Variants in ZNF148 observed in about 807,000 individuals in gnomAD.
ZNF148 encodes the protein Beta-Enolase Repressor Factor-1.
In ZNF148, 7 loss-of-function variants were observed where a neutral mutation model predicts 67.7. The ratio of observed to expected loss-of-function variants is 0.10; its 90% CI spans 0.06 to 0.19. ZNF148 has a LOEUF of 0.19. ZNF148 is among the 10% of genes least tolerant of loss of function. The pLI is 1.00. For synonymous variants in ZNF148, 333 were observed against 330.7 expected, an observed-to-expected ratio of 1.01 and a Z score of -0.08; for missense variants, 583 against 947.1, an observed-to-expected ratio of 0.62 and a Z score of 5.05.
rs1553708261 is a variant in ZNF148, at chr3:125,317,662, T to TAGAGAGAGAG, written c.-16-4016_-16-4007dup. Reference sequence around the variant, plus strand: ...GATCTTTTATATATATATATATATATAGAGAGAGAGAGAGAGAAATACATA... The same window carrying TAGAGAGAGAG: ...GATCTTTTATATATATATATATATATAGAGAGAGAGAGAGAGAGAGAGAGAGAAATACATA... On this transcript the variant is annotated intron_variant, in intron 3 of 8. Transcript: ENST00000360647. 3.6e-3 allele frequency among the ~76,000 whole-genome samples: 328 copies of TAGAGAGAGAG among 90,040 alleles called. 4 individuals carry two copies. Among genetic ancestry groups the TAGAGAGAGAG allele is most frequent in the African/African-American group, 6.7e-3 (148 of 22,170 alleles). 59.1% of individuals were successfully genotyped at this position (90,040 alleles called of 152,430 possible). A position where few individuals can be genotyped will look rare whatever the true frequency, so the allele number is the denominator to read the frequency against.
At position 125,242,452 on chromosome 3, in the gene ZNF148, G is replaced by A. The variant is rs374465355; in HGVS notation, c.668-8123C>T. ...CTTGGCCAACATGACAAAATTTCCC[G>A]TCTCTACTAAAAATACAAAACTTAG... is the stretch of plus-strand genomic sequence containing the variant. On this transcript the variant is annotated intron_variant, in intron 7 of 8. Transcript: ENST00000360647. Among the ~76,000 whole-genome samples the A allele has an allele frequency of 2.8e-4, 42 of 152,092 alleles. 1 individual carries two copies. In the South Asian group the frequency reaches 3.1e-3, roughly 11 times the overall value.
At chr3:125,273,780 G>T (rs150450656) in intron 7 of ZNF148, among the ~76,000 whole-genome samples, 1 of 152,048 alleles carries the variant, frequency 6.6e-6, no homozygotes, top group East Asian at 1.9e-4. Flanking sequence ...CACCCGGCCG[G>T]GAGGAGAATC....
intron 1 of ZNF148, among the ~76,000 whole-genome samples, chr3:125,350,827 T>TACAC (rs991405194): frequency 2.0e-5 from 3 of 152,126 alleles, no homozygotes; most frequent in African/African-American, 7.2e-5. Context: ...TCCATATATA[T>TACAC]ATACACACAC....
At chr3:125,285,738 T>A (rs1938622023) in intron 5 of ZNF148, among the ~76,000 whole-genome samples, 1 of 152,078 alleles carries the variant, frequency 6.6e-6, no homozygotes, top group Admixed American at 6.6e-5. Context: ...TTGTTTCTAG[T>A]CACTTCATCT....
rs529646498 is a variant in ZNF148 at position 125,297,320 on chromosome 3, G to C, written c.334-9092C>G. The stretch of plus-strand genomic sequence containing the variant: ...CCCAGTGGATTACTGATCTAAATGG[G>C]AACGGAAAACCATAAAGCCTCCAAA... On this transcript the variant is annotated intron_variant, in intron 4 of 8. Coordinates refer to ENST00000360647, the MANE Select transcript of ZNF148 (RefSeq NM_021964.3). Among the ~76,000 whole-genome samples the C allele has an allele frequency of 5.9e-5, 9 of 152,120 alleles. No individual in the cohort carries two copies. The South Asian group carries it at 1.7e-3, about 28-fold the overall frequency.
chr3:125,304,279 C>T (rs1297191755), intron 4 of ZNF148, among the ~76,000 whole-genome samples: 1 of 152,104 alleles, frequency 6.6e-6, no homozygotes, highest in Non-Finnish European at 1.5e-5. Context: ...GGAGCCCAAG[C>T]AGCATAAGGA....
intron 8 of ZNF148, 118 bp downstream of exon 8, chr3:125,234,093 T>A: frequency 8.0e-7 from 1 of 1,249,954 alleles, no homozygotes; most frequent in Non-Finnish European, 1.1e-6. Flanking sequence ...ATTATAAATC[T>A]AATCTGTAAG....
chr3:125,345,101 TA>T (rs1404636697), intron 1 of ZNF148, among the ~76,000 whole-genome samples: 2 of 152,070 alleles, frequency 1.3e-5, no homozygotes, highest in African/African-American at 4.8e-5. Flanking sequence ...TTCCACTCAA[TA>T]ACAGCAGAAT....
At chr3:125,239,545 T>G (rs1936249935) in intron 7 of ZNF148, among the ~76,000 whole-genome samples, 1 of 152,122 alleles carries the variant, frequency 6.6e-6, no homozygotes, top group African/African-American at 2.4e-5. Flanking sequence ...ATGTAGAGAA[T>G]TGAAACCCTC....
In ZNF148 at chr3:125,232,311, G is replaced by C; in HGVS notation, c.*30C>G. The C allele has an allele frequency of 6.4e-7, 1 of 1,566,240 alleles. No individual in the cohort carries two copies. The highest frequency in any genetic ancestry group is 1.2e-5 in the South Asian group (1 of 84,866). ...ACTCTTGATTAATCTGTTCTAAAGTGCCAGTATTATTTACACTTTTTTTTT... is the reference window on the plus strand; with the variant it reads ...ACTCTTGATTAATCTGTTCTAAAGTCCCAGTATTATTTACACTTTTTTTTT... On this transcript the variant is annotated 3_prime_UTR_variant, in exon 9 of 9. Transcript: ENST00000360647. This position sits in a 1 kb window ranked among gnomAD's most constrained non-coding sequence, Gnocchi z 4.2.
chr3:125,226,092 GA>G lies in ZNF148; in HGVS notation c.*6248del, dbSNP rs1179118587. 6.6e-6 allele frequency: 1 copy of G among 152,616 alleles called. No homozygotes were observed. The highest frequency in any genetic ancestry group is 2.4e-5 in the African/African-American group (1 of 41,454). The allele number at this position is 152,616 out of a possible 1,614,324, so 9.5% of individuals were successfully genotyped here. A position where few individuals can be genotyped will look rare whatever the true frequency, so the allele number is the denominator to read the frequency against. ...GGGTTAACAGAGTCTTATCTGTAAA[GA>G]AAAGAACACATATTTTCTTCGCTCT... On this transcript the variant is annotated 3_prime_UTR_variant, in exon 9 of 9. Transcript: ENST00000360647.
At position 125,362,673 on chromosome 3, in the gene ZNF148, G is replaced by GC. The variant is rs1559784165; in HGVS notation, c.-234+12428dup. Among the ~76,000 whole-genome samples, 9 of 151,744 alleles carry GC rather than the reference G, an allele frequency of 5.9e-5. No homozygotes were observed. In the South Asian group the frequency reaches 1.9e-3, roughly 32 times the overall value. ...AAGCTCAAGTGATCCTCCCACCTCA[G>GC]CCCCCCAAGTAGCTGGGACTACAAG... is the stretch of plus-strand genomic sequence containing the variant. On this transcript the variant is annotated intron_variant, in intron 1 of 8. Coordinates refer to ENST00000360647, the MANE Select transcript of ZNF148 (RefSeq NM_021964.3).
intron 1 of ZNF148, among the ~76,000 whole-genome samples, chr3:125,352,147 A>G (rs1942176371): frequency 1.3e-5 from 2 of 152,092 alleles, no homozygotes; most frequent in South Asian, 4.1e-4. Context: ...AACAAAGTGG[A>G]AACAACCCAA....
At position 125,226,723 on chromosome 3, in the gene ZNF148, A is replaced by G. The variant is rs906762494; in HGVS notation, c.*5618T>C. Reference sequence around the variant, plus strand: ...GTTTTTACAATGACAATTAAAACATATTTAAAGAAACAAAAAACCTCCCAA... The same window carrying G: ...GTTTTTACAATGACAATTAAAACATGTTTAAAGAAACAAAAAACCTCCCAA... On this transcript the variant is annotated 3_prime_UTR_variant, in exon 9 of 9. Coordinates refer to ENST00000360647, the MANE Select transcript of ZNF148 (RefSeq NM_021964.3). The G allele has an allele frequency of 1.6e-5, 1 of 60,860 alleles. No individual in the cohort carries two copies. Among genetic ancestry groups the G allele is most frequent in the African/African-American group, 8.9e-5 (1 of 11,200 alleles). 3.8% of individuals were successfully genotyped at this position (60,860 alleles called of 1,614,324 possible).
chr3:125,334,870 CA>C (rs755835792), intron 1 of ZNF148, among the ~76,000 whole-genome samples: 2 of 152,138 alleles, frequency 1.3e-5, no homozygotes, highest in Non-Finnish European at 2.9e-5. Context: ...ACTCCAGCAG[CA>C]GTGACCTGAC....
intron 4 of ZNF148, among the ~76,000 whole-genome samples, chr3:125,289,794 G>A (rs995281108): frequency 6.6e-6 from 1 of 152,166 alleles, no homozygotes; most frequent in Non-Finnish European, 1.5e-5. Flanking sequence ...CAAGTGTCAA[G>A]AAGAGTGTAA....
intron 6 of ZNF148, 92 bp downstream of exon 6, chr3:125,279,032 T>C (rs1462187800): frequency 4.6e-6 from 6 of 1,295,876 alleles, no homozygotes; most frequent in East Asian, 5.3e-5. Flanking sequence ...AGATTAGCTA[T>C]GGTCTTAGGA....
chr3:125,304,673 T>A (rs888304724), intron 4 of ZNF148, among the ~76,000 whole-genome samples: 1 of 152,140 alleles, frequency 6.6e-6, no homozygotes, highest in Non-Finnish European at 1.5e-5. Context: ...TTGATAGATA[T>A]GGAAATTATA....
intron 3 of ZNF148, among the ~76,000 whole-genome samples, chr3:125,318,374 C>T (rs372672329): frequency 1.5e-4 from 23 of 152,164 alleles, no homozygotes; most frequent in Non-Finnish European, 3.1e-4. Flanking sequence ...AAAAAGCCAA[C>T]TGCTTTCTAA....
Sources: allele counts gnomAD v4.1 joint callset (sites outside exome capture counted in the v4.1 genomes callset), GRCh38; gene constraint gnomAD v4.1.1; non-coding constraint Gnocchi (gnomAD v3.1); transcripts MANE v1.5; gene names NCBI Gene and HGNC (gene_info 2026-07-23, HGNC 2026-07-21).